SUMF1: variants seen among roughly 807,000 people sequenced by gnomAD.
The protein encoded by SUMF1 is sulfatase modifying factor 1.
Under a neutral mutation model 47.6 loss-of-function variants are expected in SUMF1, and 48 were observed. The observed-to-expected ratio is 1.01, with a 90% CI of 0.80 to 1.28. The LOEUF (loss-of-function observed/expected upper bound fraction) is 1.28, where lower values mean the gene tolerates loss of function less well. Ranked by LOEUF, SUMF1 falls within the 50% of genes most tolerant of loss-of-function variation. The pLI is 0.00. For missense variants in SUMF1, 571 were observed against 485.4 expected, an observed-to-expected ratio of 1.18 and a Z score of -1.66; for synonymous variants, 230 against 192.1, an observed-to-expected ratio of 1.20 and a Z score of -1.63.
chr3:4,268,227 G>A (rs1213310360), intron 8 of SUMF1, among the ~76,000 whole-genome samples: 1 of 151,994 alleles, frequency 6.6e-6, no homozygotes, highest in Non-Finnish European at 1.5e-5. Context: ...CACACTCTGG[G>A]GACTGTTGTG....
chr3:4,347,964 T>G (rs1699407158), intron 8 of SUMF1, among the ~76,000 whole-genome samples: 1 of 152,112 alleles, frequency 6.6e-6, no homozygotes, highest in Admixed American at 6.6e-5. Flanking sequence ...TACCTAGGAA[T>G]ACAGCTAACA....
chr3:4,367,859 G>A (rs1443387174), intron 8 of SUMF1, among the ~76,000 whole-genome samples: 6 of 151,522 alleles, frequency 4.0e-5, no homozygotes, highest in Non-Finnish European at 5.9e-5. Context: ...AGACTTAAAC[G>A]TTAGACCTAA....
chr3:4,399,101 C>T (rs1701127311), intron 7 of SUMF1, among the ~76,000 whole-genome samples: 1 of 151,910 alleles, frequency 6.6e-6, no homozygotes, highest in Admixed American at 6.6e-5. Flanking sequence ...CGAGAGGGGG[C>T]GGAGGGATGG....
intron 8 of SUMF1, among the ~76,000 whole-genome samples, chr3:4,336,697 C>A (rs1699160362): frequency 6.6e-6 from 1 of 152,140 alleles, no homozygotes; most frequent in African/African-American, 2.4e-5. Context: ...ATTACTCATC[C>A]AAATATCACC....
At chr3:4,432,791 G>A (rs9847780) in intron 3 of SUMF1, among the ~76,000 whole-genome samples, 4,371 of 152,230 alleles carry the variant, frequency 0.029, 110 homozygotes, top group East Asian at 0.092. Flanking sequence ...ATGAGAATAA[G>A]GATTTAGATC....
intron 3 of SUMF1, among the ~76,000 whole-genome samples, chr3:4,445,114 G>A (rs1702735462): frequency 6.6e-6 from 1 of 152,162 alleles, no homozygotes. Flanking sequence ...TAATGATATA[G>A]ATAAATTTTT....
At chr3:4,045,523 A>G (rs1694989550) in intron 9 of SUMF1, among the ~76,000 whole-genome samples, 1 of 152,038 alleles carries the variant, frequency 6.6e-6, no homozygotes. Flanking sequence ...TTGTATATAT[A>G]AAAATTATTT....
At chr3:4,114,726 A>G (rs993637816) in intron 8 of SUMF1, among the ~76,000 whole-genome samples, 3 of 152,198 alleles carry the variant, frequency 2.0e-5, no homozygotes, top group Admixed American at 6.5e-5. Context: ...CTAACATTAC[A>G]TAACAGAGAA....
At chr3:4,271,160 A>G (rs1697294478) in intron 8 of SUMF1, among the ~76,000 whole-genome samples, 1 of 152,208 alleles carries the variant, frequency 6.6e-6, no homozygotes, top group Admixed American at 6.5e-5. Context: ...ACATTTCATC[A>G]GGATCTCAAC....
At chr3:4,451,777 G>A (rs142696111) in intron 2 of SUMF1, among the ~76,000 whole-genome samples, 2,968 of 152,192 alleles carry the variant, frequency 0.02, 105 homozygotes, top group African/African-American at 0.069. Flanking sequence ...TCCGCCTCCC[G>A]GGTTCATGCT....
At chr3:4,132,161 C>A (rs1332005929) in intron 8 of SUMF1, among the ~76,000 whole-genome samples, 1 of 152,142 alleles carries the variant, frequency 6.6e-6, no homozygotes, top group African/African-American at 2.4e-5. Context: ...ATGAGTTTTC[C>A]TATCCCGCTC....
intron 8 of SUMF1, among the ~76,000 whole-genome samples, chr3:4,335,165 A>T (rs927138594): frequency 3.3e-5 from 5 of 152,186 alleles, no homozygotes; most frequent in African/African-American, 4.8e-5. Context: ...AACAGAAAAA[A>T]GTGATCTCTG....
At chr3:4,110,209 G>T (rs1158333771) in intron 8 of SUMF1, among the ~76,000 whole-genome samples, 1 of 152,098 alleles carries the variant, frequency 6.6e-6, no homozygotes, top group Non-Finnish European at 1.5e-5. Context: ...TGTTTGCCTG[G>T]GTATCAGCAG....
Position 4,274,033 on chromosome 3 carries a change from A to G in SUMF1, c.1014+102297T>C, listed in dbSNP as rs371051328. Among the ~76,000 whole-genome samples the G allele has an allele frequency of 4.6e-5, 7 of 152,256 alleles. 1 individual carries two copies. Among genetic ancestry groups the G allele is most frequent in the South Asian group, 2.1e-4 (1 of 4,822 alleles). ...CTAAATTCACTTTGGGGAAAACTCA[A>G]TATAAACAGGGCCCATAAACAGTAT... On this transcript the variant is annotated intron_variant and NMD_transcript_variant, in intron 8 of 12. Coordinates refer to the SUMF1 transcript ENST00000448413.
At chr3:4,229,290 T>C (rs1445199473) in intron 8 of SUMF1, 4 of 370,458 alleles carry the variant, frequency 1.1e-5, no homozygotes, top group Non-Finnish European at 2.1e-5. Context: ...TGCTAGCAAC[T>C]AGGTGTGTAT....
chr3:4,100,030 C>A (rs1259637402), intron 8 of SUMF1, among the ~76,000 whole-genome samples: 1 of 150,990 alleles, frequency 6.6e-6, no homozygotes, highest in African/African-American at 2.4e-5. Context: ...AATACCAATT[C>A]AATTCAATCC....
chr3:4,091,689 G>C lies in SUMF1; in HGVS notation c.1015-22944C>G, dbSNP rs142956037. ...ATGTACTAGAATCAAAAGGAAAAAA[G>C]AAATTCTGCCAGACTTGGCAGTGTG... On this transcript the variant is annotated intron_variant and NMD_transcript_variant, in intron 8 of 12. Coordinates refer to the SUMF1 transcript ENST00000448413. Among the ~76,000 whole-genome samples the C allele has an allele frequency of 2.0e-5, 3 of 152,114 alleles. No homozygotes were observed. In the East Asian group the frequency reaches 5.8e-4, roughly 29 times the overall value.
In SUMF1 at chr3:4,042,162, T is replaced by C. The variant is rs539953079; in HGVS notation, c.1191+26407A>G. 1.0e-3 allele frequency among the ~76,000 whole-genome samples: 155 copies of C among 152,266 alleles called. 1 individual carries two copies. Among genetic ancestry groups the C allele is most frequent in the Non-Finnish European group, 1.7e-3 (113 of 68,006 alleles). ...ATAATAAAACCTATCTTGACTACTC[T>C]AAAGACTAGTATTGAGAAGCAAATG... is the stretch of plus-strand genomic sequence containing the variant. On this transcript the variant is annotated intron_variant and NMD_transcript_variant, in intron 9 of 12. Coordinates refer to the SUMF1 transcript ENST00000448413.
chr3:4,091,101 A>C lies in SUMF1; in HGVS notation c.1015-22356T>G, dbSNP rs919105250. ...ATAAAAAACAACAACAACAACAAAA[A>C]AAAAAACAAAAAACACACATTTTGG... On this transcript the variant is annotated intron_variant and NMD_transcript_variant, in intron 8 of 12. Coordinates refer to the SUMF1 transcript ENST00000448413. 2.8e-4 allele frequency among the ~76,000 whole-genome samples: 43 copies of C among 152,092 alleles called. 3 individuals carry two copies. The East Asian group carries it at 4.6e-3, about 16-fold the overall frequency.
Sources: gnomAD v4.1 joint callset for allele counts (sites outside exome capture counted in the v4.1 genomes callset) on GRCh38, gnomAD v4.1.1 for gene constraint, MANE v1.5 for transcripts, NCBI Gene and HGNC (gene_info 2026-07-23, HGNC 2026-07-21) for gene names.